The following CDKL5 variants were observed in gnomAD, a reference collection of about 807,000 sequenced individuals.
CDKL5 encodes cyclin dependent kinase like 5.
A neutral mutation model predicts 61.7 loss-of-function variants in CDKL5; 8 were observed. That is an observed-to-expected ratio of 0.13 (90% CI 0.08 to 0.23). The LOEUF (loss-of-function observed/expected upper bound fraction) is 0.23, where lower values mean the gene tolerates loss of function less well. Ranked by LOEUF, CDKL5 falls within the 10% of genes least tolerant of loss-of-function variation. The pLI is 1.00. For missense variants in CDKL5, 440 were observed against 734.5 expected, an observed-to-expected ratio of 0.60 and a Z score of 4.63; for synonymous variants, 275 against 272.3, an observed-to-expected ratio of 1.01 and a Z score of -0.10.
chrX:18,536,542 T>C (rs1206904496), intron 3 of CDKL5, among the ~76,000 whole-genome samples: 1 of 98,968 alleles, frequency 1.0e-5, no homozygotes, highest in Non-Finnish European at 2.0e-5. Flanking sequence ...TGCCTCCCGG[T>C]TCAAGTGATT....
intron 2 of CDKL5, among the ~76,000 whole-genome samples, chrX:18,509,118 A>ACG (rs1922699610): frequency 1.0e-5 from 1 of 97,348 alleles, no homozygotes; most frequent in Non-Finnish European, 2.1e-5. Context: ...ACACACACAC[A>ACG]CACACACACA....
chrX:18,502,211 C>T (rs910589645), intron 1 of CDKL5, among the ~76,000 whole-genome samples: 1 of 111,646 alleles, frequency 9.0e-6, no homozygotes, highest in African/African-American at 3.3e-5. Context: ...TATTTTTTCT[C>T]CACCAGCAAA....
Position 18,637,943 on chromosome X carries a change from T to G in CDKL5, c.*9186T>G, listed in dbSNP as rs969722758. ...GCCCTTTAGATGCACGTAGCCTATT[T>G]GATCTTCGTATCAGCCCTGTAAGGT... On this transcript the variant is annotated 3_prime_UTR_variant, in exon 18 of 18. Coordinates refer to ENST00000623535, the MANE Select transcript of CDKL5 (RefSeq NM_001323289.2). The G allele has an allele frequency of 8.9e-6, 1 of 111,959 alleles. No homozygotes were observed. Among genetic ancestry groups the G allele is most frequent in the African/African-American group, 3.3e-5 (1 of 30,766 alleles). 9.2% of individuals were successfully genotyped at this position (111,959 alleles called of 1,213,427 possible).
At chrX:18,463,972 A>G (rs1250534706) in intron 1 of CDKL5, among the ~76,000 whole-genome samples, 1 of 110,988 alleles carries the variant, frequency 9.0e-6, no homozygotes, top group African/African-American at 3.3e-5. Context: ...TGTGACATGT[A>G]TGACAGAATA....
At chrX:18,444,980 A>G (rs1382391883) in intron 1 of CDKL5, among the ~76,000 whole-genome samples, 1 of 110,383 alleles carries the variant, frequency 9.1e-6, no homozygotes, top group Non-Finnish European at 1.9e-5. Flanking sequence ...GTTTTGGTCT[A>G]TTCTCAGATG....
intron 3 of CDKL5, among the ~76,000 whole-genome samples, chrX:18,552,878 G>C (rs1251555352): frequency 9.0e-6 from 1 of 111,543 alleles, no homozygotes; most frequent in Non-Finnish European, 1.9e-5. Context: ...AGAGCTACCT[G>C]GCCTGCCATG....
intron 3 of CDKL5, among the ~76,000 whole-genome samples, chrX:18,562,525 A>G (rs139575277): frequency 0.015 from 1,629 of 112,343 alleles, 18 homozygotes; most frequent in Middle Eastern, 0.05. Context: ...CAAAATATTA[A>G]CAAGGGTTAA....
intron 3 of CDKL5, among the ~76,000 whole-genome samples, chrX:18,527,622 T>C (rs1481723182): frequency 7.2e-5 from 8 of 111,645 alleles, no homozygotes; most frequent in Non-Finnish European, 1.5e-4. Flanking sequence ...TTTTTTTTTC[T>C]CTTGGTTAAT....
intron 1 of CDKL5, among the ~76,000 whole-genome samples, chrX:18,474,652 CA>C: frequency 8.9e-6 from 1 of 112,034 alleles, no homozygotes; most frequent in African/African-American, 3.2e-5. Flanking sequence ...TTCAAAGTAG[CA>C]GAGGAAGATA....
Position 18,628,356 on chromosome X carries a change from C to T in CDKL5, c.2497-15C>T, listed in dbSNP as rs1927133149. On this transcript the variant is annotated splice_polypyrimidine_tract_variant and intron_variant, in intron 17 of 17. Transcript: ENST00000623535. ...CTAACTTGAATCCTGTGTGCATTCTCATCCTTTCTTTCAGAGCCAGCCATT... is the reference window on the plus strand; with the variant it reads ...CTAACTTGAATCCTGTGTGCATTCTTATCCTTTCTTTCAGAGCCAGCCATT... The T allele has an allele frequency of 8.3e-7, 1 of 1,207,657 alleles. No homozygotes were observed. Among genetic ancestry groups the T allele is most frequent in the African/African-American group, 1.7e-5 (1 of 57,232 alleles).
At chrX:18,516,083 G>A (rs966875986) in intron 3 of CDKL5, among the ~76,000 whole-genome samples, 5 of 109,757 alleles carry the variant, frequency 4.6e-5, no homozygotes, top group African/African-American at 1.7e-4. Context: ...CGCTTCCCGG[G>A]TTCAAACAAT....
At chrX:18,440,456 C>A (rs1716272726) in intron 1 of CDKL5, among the ~76,000 whole-genome samples, 1 of 111,350 alleles carries the variant, frequency 9.0e-6, no homozygotes, top group African/African-American at 3.3e-5. Flanking sequence ...CTGCACCTGG[C>A]CATATCATTT....
chrX:18,439,394 GGTGTGTGT>G (rs752724398), intron 1 of CDKL5, among the ~76,000 whole-genome samples: 17 of 101,894 alleles, frequency 1.7e-4, no homozygotes, highest in Non-Finnish European at 3.2e-4. Context: ...TTCCATAATA[GGTGTGTGT>G]GTGTGTGTGT....
intron 12 of CDKL5, among the ~76,000 whole-genome samples, chrX:18,606,173 GTCAC>G (rs772257247): frequency 1.1e-5 from 1 of 95,162 alleles, no homozygotes; most frequent in Non-Finnish European, 2.0e-5. Flanking sequence ...GAGCAAGACT[GTCAC>G]ACACACACAC....
At chrX:18,650,093 A>G (rs939919114) in intron 20 of CDKL5, 26 of 337,579 alleles carry the variant, frequency 7.7e-5, no homozygotes, top group Non-Finnish European at 1.2e-4. Flanking sequence ...GCTCTTCTTC[A>G]TCTGTTTCCC....
chrX:18,598,809 A>G (rs931204317), intron 11 of CDKL5, among the ~76,000 whole-genome samples, 196 bp downstream of exon 11: 14 of 112,536 alleles, frequency 1.2e-4, no homozygotes, highest in Non-Finnish European at 1.5e-4. Flanking sequence ...TCTTATCTTT[A>G]ACTAGTATAT....
Position 18,630,386 on chromosome X carries a change from CAAT to C in CDKL5, c.*1634_*1636del. ...TAGATTTTTGGAATTAGTCTCTGAG[CAAT>C]AATACTTTTAAAGGTCCCTCCCACC... On this transcript the variant is annotated 3_prime_UTR_variant, in exon 18 of 18. Transcript: ENST00000623535. 1 of 752,214 alleles carries C rather than the reference CAAT, an allele frequency of 1.3e-6. No homozygotes were observed. Among genetic ancestry groups the C allele is most frequent in the Non-Finnish European group, 1.6e-6 (1 of 637,874 alleles). 62.0% of individuals were successfully genotyped at this position (752,214 alleles called of 1,213,427 possible).
In CDKL5 at chrX:18,601,094, C is replaced by T. The variant is rs772038258; in HGVS notation, c.977+2481C>T. On this transcript the variant is annotated intron_variant, in intron 11 of 17. Coordinates refer to ENST00000623535, the MANE Select transcript of CDKL5 (RefSeq NM_001323289.2). ...CACAGCACCATATCACATTGGTTGC[C>T]ACGTACAAACTCCCCTGCCTTGTCT... Among the ~76,000 whole-genome samples, 25 of 111,824 alleles carry T rather than the reference C, an allele frequency of 2.2e-4. No individual in the cohort carries two copies. The South Asian group carries it at 9.5e-3, about 42-fold the overall frequency.
chrX:18,511,008 A>G (rs1922807527), intron 3 of CDKL5, among the ~76,000 whole-genome samples, 154 bp downstream of exon 3: 1 of 111,796 alleles, frequency 8.9e-6, no homozygotes, highest in Non-Finnish European at 1.9e-5. Context: ...GGATTTTGGA[A>G]TATTTCCATA....
Sources: gnomAD v4.1 joint callset for allele counts (sites outside exome capture counted in the v4.1 genomes callset) on GRCh38, gnomAD v4.1.1 for gene constraint, MANE v1.5 for transcripts, NCBI Gene and HGNC (gene_info 2026-07-23, HGNC 2026-07-21) for gene names.